The following LMTK3 variants were observed in gnomAD, a reference collection of about 807,000 sequenced individuals.
The protein encoded by LMTK3 is serine/threonine-protein kinase LMTK3.
In LMTK3, 27 loss-of-function variants were observed where a neutral mutation model predicts 116.7. The ratio of observed to expected loss-of-function variants is 0.23; its 90% CI spans 0.17 to 0.32. LMTK3 has a LOEUF of 0.32. Ranked by LOEUF, LMTK3 falls within the 10% of genes least tolerant of loss-of-function variation. LMTK3 has a pLI of 1.00. For synonymous variants in LMTK3, 965 were observed against 971.0 expected (o/e 0.99, Z 0.11); for missense variants, 1,764 against 2,068.5 (o/e 0.85, Z 2.86).
At chr19:48,495,997 C>G (rs1972315727) in intron 11 of LMTK3, among the ~76,000 whole-genome samples, 1 of 152,260 alleles carries the variant, frequency 6.6e-6, no homozygotes, top group Non-Finnish European at 1.5e-5. Flanking sequence ...ATCTGAAGCT[C>G]CCTGGGTCCC....
Position 48,491,102 on chromosome 19 carries a change from T to C in LMTK3, c.4366+6A>G, listed in dbSNP as rs761791851. 107 of 1,315,176 alleles carry C rather than the reference T, an allele frequency of 8.1e-5. No homozygotes were observed. Among genetic ancestry groups the C allele is most frequent in the Non-Finnish European group, 9.4e-5 (97 of 1,030,436 alleles). 81.5% of individuals were successfully genotyped at this position (1,315,176 alleles called of 1,614,324 possible). A position where few individuals can be genotyped will look rare whatever the true frequency, so the allele number is the denominator to read the frequency against. On this transcript the variant is annotated splice_donor_region_variant and intron_variant, in intron 14 of 14. Transcript: ENST00000600059. This position sits in a 1 kb window ranked among gnomAD's most constrained non-coding sequence, Gnocchi z 5.1. The stretch of plus-strand genomic sequence containing the variant: ...AGAGGAGGGGGCAGGGCCGAGGATA[T>C]GGTACCTGCGGGCCGGGCGTCGGGG...
intron 5 of LMTK3, among the ~76,000 whole-genome samples, chr19:48,503,691 C>T (rs1320849116): frequency 6.6e-6 from 1 of 152,180 alleles, no homozygotes; most frequent in Admixed American, 6.5e-5. Context: ...TTTGATTCCT[C>T]CTGCTCCTCC....
chr19:48,504,652 T>A (rs1972533247), intron 5 of LMTK3, among the ~76,000 whole-genome samples: 1 of 151,428 alleles, frequency 6.6e-6, no homozygotes, highest in Non-Finnish European at 1.5e-5. Context: ...CGGGTTCAAG[T>A]GATTCTCCTG....
At position 48,499,549 on chromosome 19, in the gene LMTK3, T is replaced by TGGGGGG; in HGVS notation, c.1514_1519dup (p.Pro506_His507insProPro). ...GTAGAAAGGGTTGGAGGGGTTGGCG[T>TGGGGGG]GGGGGGCCGGGGGGGCCGACGCCGG... On this transcript the variant is annotated inframe_insertion, in exon 11 of 15. Transcript: ENST00000600059. 3 of 588,388 alleles carry TGGGGGG rather than the reference T, an allele frequency of 5.1e-6. No individual in the cohort carries two copies. Among genetic ancestry groups the TGGGGGG allele is most frequent in the Non-Finnish European group, 7.7e-6 (3 of 388,404 alleles). The allele number at this position is 588,388 out of a possible 1,614,324, so 36.4% of individuals were successfully genotyped here.
In LMTK3 at chr19:48,500,932, G is replaced by A. The variant is rs746949521; in HGVS notation, c.1151+64C>T. On this transcript the variant is annotated intron_variant, in intron 10 of 14. Transcript: ENST00000600059. This position sits in a 1 kb window ranked among gnomAD's most constrained non-coding sequence, Gnocchi z 4.0. ...TGTGGGTGATGTGGGAAACGAGGGGGGATGCTGGGACCATCCTGGGTGGGG... is the reference window on the plus strand; with the variant it reads ...TGTGGGTGATGTGGGAAACGAGGGGAGATGCTGGGACCATCCTGGGTGGGG... 2.1e-6 allele frequency: 3 copies of A among 1,424,730 alleles called. No individual in the cohort carries two copies. The highest frequency in any genetic ancestry group is 1.4e-5 in the African/African-American group (1 of 69,172). The allele number at this position is 1,424,730 out of a possible 1,614,324, so 88.3% of individuals were successfully genotyped here. A position where few individuals can be genotyped will look rare whatever the true frequency, so the allele number is the denominator to read the frequency against.
At chr19:48,504,807 C>T (rs566005183) in intron 5 of LMTK3, among the ~76,000 whole-genome samples, 4 of 152,082 alleles carry the variant, frequency 2.6e-5, no homozygotes, top group Admixed American at 6.6e-5. Flanking sequence ...TTCGGCCTCC[C>T]GAAGTGCTGG....
At chr19:48,512,843 TACAG>T (rs1972683309), upstream of LMTK3, among the ~76,000 whole-genome samples, 1 of 151,946 alleles carries the variant, frequency 6.6e-6, no homozygotes, top group Admixed American at 6.6e-5. Context: ...CACTGATACA[TACAG>T]ACACATATAA....
At position 48,510,033 on chromosome 19, in the gene LMTK3, A is replaced by T. The variant is rs774690454; in HGVS notation, c.351T>A (p.Pro117=). 6.2e-7 allele frequency: 1 copy of T among 1,613,922 alleles called. No homozygotes were observed. The highest frequency in any genetic ancestry group is 2.2e-5 in the East Asian group (1 of 44,888). Residue 117 remains proline, a synonymous_variant, in exon 3 of 15, where the codon CCT becomes CCA. Transcript: ENST00000600059. Reference sequence around the variant, plus strand: ...GGCGTGGGGCAGTACCTGAGTGTGAAGGCTGCGGGGCAGGCATTGGCAGGG... The same window carrying T: ...GGCGTGGGGCAGTACCTGAGTGTGATGGCTGCGGGGCAGGCATTGGCAGGG... ...EVSLPMPAPQ[P]SHSDMTTPLG... is the part of the protein sequence containing the mutation.
At chr19:48,509,223 C>A (rs1462813563) in intron 4 of LMTK3, among the ~76,000 whole-genome samples, 1 of 144,210 alleles carries the variant, frequency 6.9e-6, no homozygotes, top group East Asian at 2.2e-4. Flanking sequence ...GCGGAGTGGT[C>A]AATGGAGTGA....
intron 5 of LMTK3, among the ~76,000 whole-genome samples, chr19:48,503,789 T>TTCTC (rs148406252): frequency 0.031 from 4,598 of 149,546 alleles, 266 homozygotes; most frequent in African/African-American, 0.11. Flanking sequence ...ACCTACAGTT[T>TTCTC]TCTCTCTCTC....
At chr19:48,510,632 C>T (rs1435195344) in intron 1 of LMTK3, 40 bp from the exon 2 acceptor site, 1 of 1,501,894 alleles carries the variant, frequency 6.7e-7, no homozygotes, top group South Asian at 1.3e-5. Flanking sequence ...AGCTTCAAGT[C>T]CCTGGATACC....
In LMTK3 at chr19:48,493,370, T is replaced by C. The variant is rs1972260440; in HGVS notation, c.4092+324A>G. On this transcript the variant is annotated intron_variant, in intron 12 of 14. Coordinates refer to ENST00000600059, the MANE Select transcript of LMTK3 (RefSeq NM_001388485.1). ...CCTCTCCCTGGGCCCCGCCCCACTCTAGCTCGGCCCCGCCCCAGGCCCCGC... is the reference window on the plus strand; with the variant it reads ...CCTCTCCCTGGGCCCCGCCCCACTCCAGCTCGGCCCCGCCCCAGGCCCCGC... Among the ~76,000 whole-genome samples the C allele has an allele frequency of 1.4e-4, 7 of 48,356 alleles. No homozygotes were observed. The South Asian group carries it at 2.9e-3, about 20-fold the overall frequency. 31.7% of individuals were successfully genotyped at this position (48,356 alleles called of 152,430 possible). A position where few individuals can be genotyped will look rare whatever the true frequency, so the allele number is the denominator to read the frequency against.
At position 48,502,465 on chromosome 19, in the gene LMTK3, C is replaced by T; in HGVS notation, c.762G>A (p.Leu254=). 1.2e-6 allele frequency: 2 copies of T among 1,611,268 alleles called. No homozygotes were observed. Among genetic ancestry groups the T allele is most frequent in the Non-Finnish European group, 8.5e-7 (1 of 1,179,202 alleles). The change falls in exon 7 of 15, where the codon CTG becomes CTA. Residue 254 remains leucine (L), a synonymous_variant. Coordinates refer to ENST00000600059, the MANE Select transcript of LMTK3 (RefSeq NM_001388485.1). ...CGTAGTTGTGGGAATGCAGGTGCGC[C>T]AGCCCGCGGGCGATCTCCAGGCCCA... ...QRMGLEIARG[L]AHLHSHNYVH... is the part of the protein sequence containing the mutation.
intron 14 of LMTK3, among the ~76,000 whole-genome samples, chr19:48,487,018 A>G (rs1015705443): frequency 6.8e-6 from 1 of 146,078 alleles, no homozygotes; most frequent in Admixed American, 6.8e-5. Context: ...GGTGCCTGCC[A>G]CCACACCCGG....
At chr19:48,513,278 G>T, upstream of LMTK3, 1 of 959,974 alleles carries the variant, frequency 1.0e-6, no homozygotes, top group Non-Finnish European at 1.6e-6. This position sits in a 1 kb window ranked among gnomAD's most constrained non-coding sequence, Gnocchi z 5.6. Context: ...CGTTTTACAC[G>T]TACAGAATTA....
Position 48,499,458 on chromosome 19 carries a change from C to G in LMTK3, c.1611G>C (p.Glu537Asp). The change falls in exon 11 of 15, where the codon GAG becomes GAC. Residue 537 changes from glutamate (E) to aspartate (D), a missense_variant. Physicochemically the swap from Glu to Asp is conservative, Grantham distance 45. Around this residue, in one of 7 missense-constraint regions of LMTK3, gnomAD observed 1,028 missense variants for 1,050.6 expected, o/e 0.98. Transcript: ENST00000600059. ...ISARSPSVSS[E>D]YYIRLEEHGS... ...CGTGCTCCTCCAAGCGGATGTAGTA[C>G]TCGCTGCTCACGGAGGGGCTGCGGG... is the stretch of plus-strand genomic sequence containing the variant. 6.8e-7 allele frequency: 1 copy of G among 1,475,386 alleles called. No individual in the cohort carries two copies. Among genetic ancestry groups the G allele is most frequent in the East Asian group, 2.5e-5 (1 of 39,964 alleles). The allele number at this position is 1,475,386 out of a possible 1,614,324, so 91.4% of individuals were successfully genotyped here.
In LMTK3 at chr19:48,511,604, GT is replaced by G; in HGVS notation, c.-29del. 8.5e-7 allele frequency: 1 copy of G among 1,181,164 alleles called. No individual in the cohort carries two copies. Among genetic ancestry groups the G allele is most frequent in the Non-Finnish European group, 1.1e-6 (1 of 879,474 alleles). 73.2% of individuals were successfully genotyped at this position (1,181,164 alleles called of 1,614,324 possible). On this transcript the variant is annotated 5_prime_UTR_variant, in exon 1 of 15. Coordinates refer to ENST00000600059, the MANE Select transcript of LMTK3 (RefSeq NM_001388485.1). ...TGTCGAGGATGGCAGGGAGGTGGAG[GT>G]GGTGGCGGCTGGGGAGGAGGGGGGG...
chr19:48,507,541 G>GAGATATGAT (rs1279853462), intron 5 of LMTK3, among the ~76,000 whole-genome samples: 4 of 152,228 alleles, frequency 2.6e-5, no homozygotes, highest in Non-Finnish European at 5.9e-5. Flanking sequence ...TTGAGCACTT[G>GAGATATGAT]AGATATGATG....
intron 5 of LMTK3, among the ~76,000 whole-genome samples, chr19:48,507,549 A>G (rs1972591216): frequency 6.6e-6 from 1 of 152,188 alleles, no homozygotes; most frequent in South Asian, 2.1e-4. Context: ...TTGAGATATG[A>G]TGAGGGTGGC....
Sources: gnomAD v4.1 joint callset for allele counts (sites outside exome capture counted in the v4.1 genomes callset) on GRCh38, gnomAD v4.1.1 for gene constraint, gnomAD v4.1.1 regional missense constraint, Gnocchi (gnomAD v3.1) non-coding constraint, MANE v1.5 for transcripts, NCBI Gene and HGNC (gene_info 2026-07-23, HGNC 2026-07-21) for gene names.